ITIH5: variants seen among roughly 807,000 people sequenced by gnomAD.
ITIH5 encodes inter-alpha-trypsin inhibitor heavy chain 5, also known as inter-alpha-trypsin inhibitor heavy chain H5.
A neutral mutation model predicts 77.5 loss-of-function variants in ITIH5; 65 were observed. That is an observed-to-expected ratio of 0.84 (90% confidence interval 0.69 to 1.03). ITIH5 has a LOEUF of 1.03. Ranked by LOEUF, ITIH5 falls within the 50% of genes least tolerant of loss-of-function variation. ITIH5 has a pLI of 0.00. For missense variants in ITIH5, 1,208 were observed against 1,213.1 expected, an observed-to-expected ratio of 1.00 and a Z score of 0.06; for synonymous variants, 525 against 494.3, an observed-to-expected ratio of 1.06 and a Z score of -0.82.
At chr10:7,649,327 CCTT>C (rs199734572) in intron 2 of ITIH5, among the ~76,000 whole-genome samples, 57 of 152,112 alleles carry the variant, frequency 3.7e-4, no homozygotes, top group African/African-American at 1.2e-3. Flanking sequence ...TCCTCCTCCT[CCTT>C]CTTCTTTGCA....
In ITIH5 at chr10:7,616,478, C is replaced by G. The variant is rs878991125; in HGVS notation, c.823-380G>C. Among the ~76,000 whole-genome samples, 5 of 152,238 alleles carry G rather than the reference C, an allele frequency of 3.3e-5. No individual in the cohort carries two copies. The South Asian group carries it at 8.3e-4, about 25-fold the overall frequency. On this transcript the variant is annotated intron_variant, in intron 6 of 13. Coordinates refer to ENST00000397146, the MANE Select transcript of ITIH5 (RefSeq NM_030569.7). ...TGCAATTAATAGGTTTTAATATCCC[C>G]ACCCTGTCTCTGGAACAATAAGACC...
chr10:7,587,568 C>G (rs1251788783), intron 7 of ITIH5, among the ~76,000 whole-genome samples: 1 of 152,242 alleles, frequency 6.6e-6, no homozygotes, highest in East Asian at 1.9e-4. Flanking sequence ...TCTGATATCA[C>G]TGCGCCCAAG....
intron 7 of ITIH5, among the ~76,000 whole-genome samples, chr10:7,605,411 T>A (rs1236666559): frequency 6.6e-6 from 1 of 151,924 alleles, no homozygotes; most frequent in African/African-American, 2.4e-5. Context: ...CTACTGGCCC[T>A]TACATATGCC....
intron 5 of ITIH5, among the ~76,000 whole-genome samples, chr10:7,627,440 G>A (rs773602776): frequency 1.2e-4 from 19 of 152,190 alleles, no homozygotes; most frequent in Non-Finnish European, 1.9e-4. Flanking sequence ...TGACCTTGCG[G>A]GATGTGTGGC....
intron 13 of ITIH5, among the ~76,000 whole-genome samples, chr10:7,564,762 C>CA (rs1564230362): frequency 6.6e-6 from 1 of 151,514 alleles, no homozygotes; most frequent in East Asian, 1.9e-4. Flanking sequence ...CATACATACA[C>CA]AGACTGTGTA....
intron 1 of ITIH5, among the ~76,000 whole-genome samples, chr10:7,659,998 T>C (rs970731819): frequency 1.3e-5 from 2 of 152,178 alleles, no homozygotes; most frequent in African/African-American, 4.8e-5. Flanking sequence ...CTACCATAAA[T>C]AGCCATCTTA....
chr10:7,636,982 C>T (rs1402522384), intron 5 of ITIH5, among the ~76,000 whole-genome samples: 2 of 152,044 alleles, frequency 1.3e-5, no homozygotes, highest in Admixed American at 6.6e-5. Flanking sequence ...ACACGGGAGG[C>T]GGAGGTTGCA....
chr10:7,576,747 GCCTGGGGCTTCCTGTGACATCTTTC>G lies in ITIH5; in HGVS notation c.1659_1683del (p.Lys554LeufsTer25). On this transcript the variant is annotated frameshift_variant, in exon 10 of 14. Transcript: ENST00000397146. LOFTEE classifies it high-confidence loss of function. The stretch of plus-strand genomic sequence containing the variant: ...GTGTCCCCCTCTCCATCGCCTCCAG[GCCTGGGGCTTCCTGTGACATCTTTC>G]CCTGCCTTCTGAGGCCGCACAGGCA... 6.2e-7 allele frequency: 1 copy of G among 1,613,762 alleles called. No homozygotes were observed. The highest frequency in any genetic ancestry group is 2.2e-5 in the East Asian group (1 of 44,840).
At chr10:7,625,017 A>G (rs1012168153) in intron 5 of ITIH5, among the ~76,000 whole-genome samples, 10 of 151,272 alleles carry the variant, frequency 6.6e-5, no homozygotes, top group Non-Finnish European at 1.3e-4. Context: ...CCCACCAGAA[A>G]CAATGGTAGA....
At chr10:7,580,166 G>A (rs969598692) in intron 8 of ITIH5, 102 bp from the exon 9 acceptor site, 1 of 1,033,206 alleles carries the variant, frequency 9.7e-7, no homozygotes, top group Non-Finnish European at 1.4e-6. Flanking sequence ...TGTCACCCAG[G>A]CTGGAGTGCA....
In ITIH5 at chr10:7,576,849, C is replaced by G; in HGVS notation, c.1582G>C (p.Val528Leu). ...TTACTGTTGCTGGCGGTGACCTCCA[C>G]GTGCAGGTGATCCAGCTTCCTGTCC... The part of the protein sequence containing the change: ...LVDRKLDHLH[V>L]EVTASNSKKF... Residue 528 changes from valine (V) to leucine (L), a missense_variant, in exon 10 of 14, where the codon GTG becomes CTG. Transcript: ENST00000397146. 1 of 1,614,180 alleles carries G rather than the reference C, an allele frequency of 6.2e-7. No homozygotes were observed. Among genetic ancestry groups the G allele is most frequent in the Non-Finnish European group, 8.5e-7 (1 of 1,180,030 alleles).
At chr10:7,641,712 G>A (rs1833892120) in intron 3 of ITIH5, among the ~76,000 whole-genome samples, 3 of 142,318 alleles carry the variant, frequency 2.1e-5, no homozygotes, top group African/African-American at 7.8e-5. Flanking sequence ...GAGGGAGAGA[G>A]GGAGGGAAGG....
chr10:7,627,139 G>T (rs1833593941), intron 5 of ITIH5, among the ~76,000 whole-genome samples: 1 of 151,954 alleles, frequency 6.6e-6, no homozygotes, highest in South Asian at 2.1e-4. Context: ...TTCAAAAACG[G>T]GGTGGTGGGC....
chr10:7,573,115 C>T, intron 11 of ITIH5, 27 bp downstream of exon 11: 1 of 1,604,784 alleles, frequency 6.2e-7, no homozygotes, highest in Non-Finnish European at 8.5e-7. Flanking sequence ...ACTCTCAATC[C>T]ACACACAACC....
At chr10:7,570,077 G>GAGGAGA (rs1378828123) in intron 11 of ITIH5, 1 of 226,014 alleles carries the variant, frequency 4.4e-6, no homozygotes, top group Admixed American at 5.5e-5. Flanking sequence ...TGAGAGGTGA[G>GAGGAGA]AGGAGAAGGA....
intron 1 of ITIH5, among the ~76,000 whole-genome samples, chr10:7,660,840 C>T (rs767000349): frequency 2.0e-5 from 3 of 152,204 alleles, no homozygotes; most frequent in Non-Finnish European, 2.9e-5. Flanking sequence ...GATGTAAAGG[C>T]GAGGTTTGCA....
chr10:7,611,110 C>T (rs1237843645), intron 7 of ITIH5, among the ~76,000 whole-genome samples: 1 of 152,246 alleles, frequency 6.6e-6, no homozygotes, highest in East Asian at 1.9e-4. Context: ...TTGCCGCAAC[C>T]ACACTCTTAC....
chr10:7,628,752 G>T (rs1282920096), intron 5 of ITIH5, among the ~76,000 whole-genome samples: 2 of 123,840 alleles, frequency 1.6e-5, no homozygotes, highest in East Asian at 5.3e-4. Flanking sequence ...TGTCCATGTT[G>T]CAGCGTGTGT....
chr10:7,565,124 T>C (rs1832120233), intron 13 of ITIH5, among the ~76,000 whole-genome samples: 1 of 141,156 alleles, frequency 7.1e-6, no homozygotes, highest in South Asian at 2.1e-4. Flanking sequence ...TGTGTATATA[T>C]ACACACACCA....
Sources: gnomAD v4.1 joint callset for allele counts (sites outside exome capture counted in the v4.1 genomes callset) on GRCh38, gnomAD v4.1.1 for gene constraint, MANE v1.5 for transcripts, NCBI Gene and HGNC (gene_info 2026-07-23, HGNC 2026-07-21) for gene names.